The following SSC4D variants were observed in gnomAD, a reference collection of about 807,000 sequenced individuals.
SSC4D encodes the protein scavenger receptor cysteine rich family member with 4 domains.
In SSC4D, 57 loss-of-function variants were observed where a neutral mutation model predicts 63.4. That is an observed-to-expected ratio of 0.90 (90% CI 0.73 to 1.12). SSC4D has a LOEUF of 1.12. Among genes scored for constraint, SSC4D ranks in the 50% most tolerant of loss-of-function variants. SSC4D has a pLI of 0.00. For synonymous variants in SSC4D, 352 were observed against 345.4 expected, an observed-to-expected ratio of 1.02 and a Z score of -0.21; for missense variants, 791 against 806.4, an observed-to-expected ratio of 0.98 and a Z score of 0.23.
intron 1 of SSC4D, among the ~76,000 whole-genome samples, chr7:76,405,809 C>T (rs927364491): frequency 2.0e-5 from 3 of 151,948 alleles, no homozygotes; most frequent in Non-Finnish European, 4.4e-5. Context: ...AGGGTTGGCT[C>T]GGCCCAAACC....
rs1285556376 is a variant in SSC4D at position 76,397,472 on chromosome 7, C to T, written c.868+46G>A. 2.1e-6 allele frequency: 3 copies of T among 1,444,152 alleles called. 1 individual carries two copies. The South Asian group carries it at 4.4e-5, about 21-fold the overall frequency. The allele number at this position is 1,444,152 out of a possible 1,614,324, so 89.5% of individuals were successfully genotyped here. On this transcript the variant is annotated intron_variant, in intron 6 of 10. Coordinates refer to ENST00000275560, the MANE Select transcript of SSC4D (RefSeq NM_080744.2). The stretch of plus-strand genomic sequence containing the variant: ...TCCTCCTCCAGCATTGCCACAGGGC[C>T]CCGCCCACCTGCCCCGGCCCCGCCC...
chr7:76,396,529 C>T (rs549772558), intron 6 of SSC4D, among the ~76,000 whole-genome samples: 1 of 152,166 alleles, frequency 6.6e-6, no homozygotes. Flanking sequence ...TGTGCATTGC[C>T]GCGTCAATGA....
At chr7:76,398,083 T>A (rs891115127) in intron 5 of SSC4D, among the ~76,000 whole-genome samples, 9 of 152,124 alleles carry the variant, frequency 5.9e-5, no homozygotes, top group Admixed American at 2.6e-4. Context: ...TCTCATCTAC[T>A]GCAAATGACA....
intron 10 of SSC4D, among the ~76,000 whole-genome samples, chr7:76,391,081 G>C (rs1804485234): frequency 6.6e-6 from 1 of 152,130 alleles, no homozygotes; most frequent in African/African-American, 2.4e-5. Flanking sequence ...GGCTGCAGTG[G>C]CCGTGATTGT....
At chr7:76,408,874 G>A (rs776771852) in intron 1 of SSC4D, among the ~76,000 whole-genome samples, 81 of 152,146 alleles carry the variant, frequency 5.3e-4, no homozygotes, top group African/African-American at 6.5e-4. Context: ...CAGTACAGCC[G>A]GCAGCCTAAC....
At position 76,393,813 on chromosome 7, in the gene SSC4D, C is replaced by T. The variant is rs1563680463; in HGVS notation, c.1021+17G>A. 7.1e-7 allele frequency: 1 copy of T among 1,417,686 alleles called. No homozygotes were observed. The highest frequency in any genetic ancestry group is 1.2e-5 in the South Asian group (1 of 81,214). 87.8% of individuals were successfully genotyped at this position (1,417,686 alleles called of 1,614,324 possible). On this transcript the variant is annotated intron_variant, in intron 8 of 10. Coordinates refer to ENST00000275560, the MANE Select transcript of SSC4D (RefSeq NM_080744.2). ...TACCCTTCCCCATCCCCCGCAGACC[C>T]AGGCACCGCCACTTACTTTTCTTCC...
chr7:76,397,343 T>C (rs931472623), intron 6 of SSC4D, among the ~76,000 whole-genome samples, 175 bp downstream of exon 6: 3 of 152,250 alleles, frequency 2.0e-5, no homozygotes, highest in African/African-American at 7.2e-5. Flanking sequence ...GAGGCACTTC[T>C]AGAACAGGAC....
intron 4 of SSC4D, among the ~76,000 whole-genome samples, 200 bp from the exon 5 acceptor site, chr7:76,398,997 T>G (rs1804729377): frequency 6.6e-6 from 1 of 152,010 alleles, no homozygotes; most frequent in African/African-American, 2.4e-5. Context: ...AAGCACGGTT[T>G]TTGTTGTTGT....
intron 6 of SSC4D, among the ~76,000 whole-genome samples, chr7:76,395,961 C>T (rs1022780654): frequency 2.0e-5 from 3 of 152,224 alleles, no homozygotes; most frequent in African/African-American, 4.8e-5. Context: ...TCCCAAAGTG[C>T]TGGGATTATA....
At chr7:76,393,771 C>CG (rs140509712) in intron 8 of SSC4D, 55 bp from the exon 9 acceptor site, 1,492,333 of 1,492,416 alleles carry the variant, frequency 1, 746,125 homozygotes, top group Non-Finnish European at 1. Context: ...TGCCGGCTCC[C>CG]GGCAGAGCCC....
rs1339655691 is a variant in SSC4D at position 76,400,249 on chromosome 7, G to A, written c.475+37C>T. ...GCCTACAGCCCTGCTGCCTGCCACA[G>A]TCTGTCTGTCCCTCCAGGTCCCAGG... is the stretch of plus-strand genomic sequence containing the variant. On this transcript the variant is annotated intron_variant, in intron 4 of 10. Coordinates refer to ENST00000275560, the MANE Select transcript of SSC4D (RefSeq NM_080744.2). 4 of 1,431,638 alleles carry A rather than the reference G, an allele frequency of 2.8e-6. No individual in the cohort carries two copies. The South Asian group carries it at 6.4e-5, about 23-fold the overall frequency. The allele number at this position is 1,431,638 out of a possible 1,614,324, so 88.7% of individuals were successfully genotyped here.
At chr7:76,404,121 A>G (rs900288263) in intron 2 of SSC4D, among the ~76,000 whole-genome samples, 186 bp downstream of exon 2, 9 of 152,082 alleles carry the variant, frequency 5.9e-5, no homozygotes, top group African/African-American at 2.2e-4. Context: ...TGTCACCTCC[A>G]GTACTGAGCC....
chr7:76,398,295 C>A (rs776806891), intron 5 of SSC4D, among the ~76,000 whole-genome samples: 4 of 150,132 alleles, frequency 2.7e-5, no homozygotes, highest in Non-Finnish European at 5.9e-5. Flanking sequence ...AGTCTCACCG[C>A]CCATTCATTT....
At chr7:76,401,183 C>T in intron 2 of SSC4D, 140 bp from the exon 3 acceptor site, 1 of 1,228,468 alleles carries the variant, frequency 8.1e-7, no homozygotes, top group Admixed American at 3.1e-5. Flanking sequence ...TTGCCAAAGC[C>T]CCATTGTCTC....
intron 4 of SSC4D, 29 bp from the exon 5 acceptor site, chr7:76,398,826 G>A: frequency 6.2e-7 from 1 of 1,608,084 alleles, no homozygotes; most frequent in East Asian, 2.2e-5. Context: ...GGATACAGGG[G>A]TCTTTCTGTT....
At chr7:76,394,797 TA>T (rs1389449628) in intron 7 of SSC4D, among the ~76,000 whole-genome samples, 14 of 99,522 alleles carry the variant, frequency 1.4e-4, no homozygotes, top group South Asian at 1.1e-3. Context: ...ATGATATATA[TA>T]AATATATAAA....
Position 76,400,407 on chromosome 7 carries a change from G to A in SSC4D, c.354C>T (p.Gly118=), listed in dbSNP as rs759473168. Residue 118 remains glycine, a synonymous_variant, in exon 4 of 11, where the codon GGC becomes GGT. Transcript: ENST00000275560. ...ACTCCACGTTGTCCAGCAGGATGGG[G>A]CCTCGGCCTTGGCCAAAGGCAAGGG... ...PRPLAFGQGR[G]PILLDNVECR... is the part of the protein sequence containing the mutation. 2.6e-5 allele frequency: 42 copies of A among 1,603,672 alleles called. No individual in the cohort carries two copies. Among genetic ancestry groups the A allele is most frequent in the Non-Finnish European group, 3.1e-5 (36 of 1,173,294 alleles).
intron 1 of SSC4D, among the ~76,000 whole-genome samples, chr7:76,407,353 A>G (rs1408984142): frequency 1.3e-5 from 2 of 150,194 alleles, no homozygotes. Flanking sequence ...TTTTTTTGAG[A>G]CAGAGTCTCG....
intron 1 of SSC4D, among the ~76,000 whole-genome samples, chr7:76,404,829 G>A (rs1020652622): frequency 6.6e-6 from 1 of 151,898 alleles, no homozygotes; most frequent in African/African-American, 2.4e-5. Context: ...CAGCACTTTG[G>A]GAGCCTGAGG....
Sources: allele counts gnomAD v4.1 joint callset (sites outside exome capture counted in the v4.1 genomes callset), GRCh38; gene constraint gnomAD v4.1.1; transcripts MANE v1.5; gene names NCBI Gene and HGNC (gene_info 2026-07-23, HGNC 2026-07-21).